NRXN3: variants seen among roughly 807,000 people sequenced by gnomAD.
NRXN3 encodes the protein neurexin 3, also known as neurexin III.
In NRXN3, 32 loss-of-function variants were observed where a neutral mutation model predicts 137.6. The ratio of observed to expected loss-of-function variants is 0.23; its 90% CI spans 0.18 to 0.31. NRXN3 has a LOEUF of 0.31. Among genes scored for constraint, NRXN3 ranks in the 10% least tolerant of loss-of-function variants. NRXN3 has a pLI of 1.00. For missense variants in NRXN3, 1,574 were observed against 2,062.5 expected (o/e 0.76, Z 4.59); for synonymous variants, 798 against 784.5 (o/e 1.02, Z -0.29).
In NRXN3 at chr14:79,697,581, C is replaced by G. The variant is rs377014132; in HGVS notation, c.3707-49C>G. 332 of 1,572,366 alleles carry G rather than the reference C, an allele frequency of 2.1e-4. 2 individuals are homozygous for G. In the African/African-American group the frequency reaches 4.1e-3, roughly 19 times the overall value. On this transcript the variant is annotated intron_variant, in intron 18 of 20. Transcript: ENST00000335750. Reference sequence around the variant, plus strand: ...GTCCATTCAGACCAGGTAAGGCAAACAAGGAAAACGTATGAGAATAATAAT... The same window carrying G: ...GTCCATTCAGACCAGGTAAGGCAAAGAAGGAAAACGTATGAGAATAATAAT...
chr14:79,191,942 C>A (rs1036103812), intron 15 of NRXN3, among the ~76,000 whole-genome samples: 7 of 151,964 alleles, frequency 4.6e-5, no homozygotes, highest in African/African-American at 1.7e-4. Flanking sequence ...ACAGGACCAA[C>A]CAAGAACCCA....
chr14:78,469,550 G>A (rs1274868305), intron 4 of NRXN3, among the ~76,000 whole-genome samples: 3 of 152,084 alleles, frequency 2.0e-5, no homozygotes, highest in Non-Finnish European at 4.4e-5. Context: ...AAATTGCTGG[G>A]TGCCAACTGG....
rs540031059 is a variant in NRXN3 at position 79,138,746 on chromosome 14, A to G, written c.3262+150605A>G. Among the ~76,000 whole-genome samples the G allele has an allele frequency of 2.5e-4, 38 of 152,356 alleles. 1 individual carries two copies. The South Asian group carries it at 5.2e-3, about 21-fold the overall frequency. On this transcript the variant is annotated intron_variant, in intron 15 of 20. Transcript: ENST00000335750. ...ACTTGCCTGAAACATCAGGCTAAAA[A>G]TAGTTCTTGATATATGAAGATGATC...
chr14:79,203,709 A>G (rs930078675), intron 15 of NRXN3, among the ~76,000 whole-genome samples: 11 of 152,168 alleles, frequency 7.2e-5, no homozygotes, highest in Admixed American at 4.6e-4. Flanking sequence ...TTAATTTCTG[A>G]GCTTCAGTCT....
intron 15 of NRXN3, among the ~76,000 whole-genome samples, chr14:78,995,229 C>A (rs2099527481): frequency 6.6e-6 from 1 of 152,160 alleles, no homozygotes; most frequent in Non-Finnish European, 1.5e-5. Context: ...CATTTCAGGT[C>A]TTCCTTCTTA....
intron 15 of NRXN3, among the ~76,000 whole-genome samples, chr14:79,348,480 A>G (rs879401368): frequency 2.0e-4 from 30 of 148,710 alleles, no homozygotes; most frequent in Admixed American, 8.8e-4. Context: ...GGTTCACGCC[A>G]TTTTCCTGCC....
At chr14:79,339,224 T>C (rs1161123369) in intron 15 of NRXN3, among the ~76,000 whole-genome samples, 3 of 152,208 alleles carry the variant, frequency 2.0e-5, no homozygotes, top group African/African-American at 7.2e-5. Flanking sequence ...AAACGTTTCA[T>C]TTAAATACAT....
chr14:78,733,536 G>T (rs1350312538), intron 8 of NRXN3, among the ~76,000 whole-genome samples: 1 of 152,072 alleles, frequency 6.6e-6, no homozygotes, highest in Non-Finnish European at 1.5e-5. Context: ...AATTCAGAGT[G>T]GTCAGAGGTA....
At chr14:78,919,962 T>G (rs2099266547) in intron 10 of NRXN3, among the ~76,000 whole-genome samples, 2 of 152,216 alleles carry the variant, frequency 1.3e-5, no homozygotes, top group African/African-American at 4.8e-5. Flanking sequence ...AATGGCAATA[T>G]ACGCTTACAA....
chr14:79,139,801 G>T (rs2058621050), intron 15 of NRXN3, among the ~76,000 whole-genome samples: 1 of 151,770 alleles, frequency 6.6e-6, no homozygotes, highest in Non-Finnish European at 1.5e-5. Context: ...GTATTACTAT[G>T]ATTTCAAGTC....
chr14:79,358,585 G>GAGAA (rs1216743218), intron 15 of NRXN3, among the ~76,000 whole-genome samples: 3,415 of 77,572 alleles, frequency 0.044, 204 homozygotes, highest in Admixed American at 0.057. Flanking sequence ...GAAAGAAAGA[G>GAGAA]AGAAAGAAAG....
intron 19 of NRXN3, among the ~76,000 whole-genome samples, chr14:79,738,618 G>A (rs191409215): frequency 6.6e-6 from 1 of 152,148 alleles, no homozygotes; most frequent in African/African-American, 2.4e-5. Context: ...GAGTGCAGTG[G>A]TGCGATCTTG....
chr14:78,481,806 A>T (rs1026363584), intron 4 of NRXN3, among the ~76,000 whole-genome samples: 4 of 152,198 alleles, frequency 2.6e-5, no homozygotes, highest in Admixed American at 2.6e-4. Flanking sequence ...TACAGCCCTC[A>T]GAGTCATCTG....
chr14:78,783,143 C>T (rs1256625860), intron 8 of NRXN3, among the ~76,000 whole-genome samples: 1 of 152,104 alleles, frequency 6.6e-6, no homozygotes, highest in Non-Finnish European at 1.5e-5. Flanking sequence ...GTAGAGAGAC[C>T]TGGAACTTGG....
chr14:78,312,917 T>C (rs1192332131), intron 4 of NRXN3, among the ~76,000 whole-genome samples: 1 of 152,200 alleles, frequency 6.6e-6, no homozygotes, highest in Non-Finnish European at 1.5e-5. Flanking sequence ...CCGCCTTTGA[T>C]AGTGATTTGT....
intron 1 of NRXN3, among the ~76,000 whole-genome samples, chr14:78,209,377 C>T (rs771022131): frequency 6.6e-6 from 1 of 152,076 alleles, no homozygotes; most frequent in South Asian, 2.1e-4. Flanking sequence ...AGGGCCGGTG[C>T]GATTACCTCG....
intron 4 of NRXN3, among the ~76,000 whole-genome samples, chr14:78,597,733 T>G (rs1018486123): frequency 9.2e-5 from 14 of 152,238 alleles, no homozygotes; most frequent in Middle Eastern, 3.2e-3. Context: ...AAGCCTCCTC[T>G]TCGTCATTTC....
intron 15 of NRXN3, among the ~76,000 whole-genome samples, chr14:79,220,652 A>T (rs1224411218): frequency 6.6e-6 from 1 of 152,068 alleles, no homozygotes; most frequent in Non-Finnish European, 1.5e-5. Flanking sequence ...ATTTTCTAGA[A>T]TGTCATATAG....
intron 2 of NRXN3, among the ~76,000 whole-genome samples, chr14:78,271,435 T>C (rs1354240026): frequency 2.0e-5 from 3 of 151,322 alleles, no homozygotes; most frequent in African/African-American, 7.3e-5. Flanking sequence ...AAACCCAGGC[T>C]ACCTTACTCC....
Sources: allele counts gnomAD v4.1 joint callset (sites outside exome capture counted in the v4.1 genomes callset), GRCh38; gene constraint gnomAD v4.1.1; transcripts MANE v1.5; gene names NCBI Gene and HGNC (gene_info 2026-07-23, HGNC 2026-07-21).